GRIA2: variants seen among roughly 807,000 people sequenced by gnomAD.
GRIA2 encodes the protein glutamate ionotropic receptor AMPA type subunit 2.
A neutral mutation model predicts 97.3 loss-of-function variants in GRIA2; 14 were observed. The ratio of observed to expected loss-of-function variants is 0.14; its 90% CI spans 0.10 to 0.23. GRIA2 has a LOEUF of 0.23. GRIA2 is among the 10% of genes least tolerant of loss of function. GRIA2 has a pLI of 1.00. For missense variants in GRIA2, 558 were observed against 1,069.8 expected (o/e 0.52, Z 6.67); for synonymous variants, 412 against 387.8 (o/e 1.06, Z -0.73).
At chr4:157,345,146 G>C (rs1290867890) in intron 12 of GRIA2, among the ~76,000 whole-genome samples, 1 of 152,026 alleles carries the variant, frequency 6.6e-6, no homozygotes, top group Admixed American at 6.6e-5. Flanking sequence ...CAGTGAGTAT[G>C]TAATTGTTGG....
chr4:157,358,635 A>G (rs1156366668), intron 12 of GRIA2, among the ~76,000 whole-genome samples: 1 of 152,132 alleles, frequency 6.6e-6, no homozygotes, highest in Non-Finnish European at 1.5e-5. Flanking sequence ...GCCTGTCTCA[A>G]TACAACAGCC....
At chr4:157,255,623 A>G (rs1301098786) in intron 2 of GRIA2, among the ~76,000 whole-genome samples, 8 of 152,032 alleles carry the variant, frequency 5.3e-5, no homozygotes, top group Admixed American at 3.9e-4. Context: ...ATGATATCTC[A>G]TGGGACTTAA....
chr4:157,339,989 G>A (rs1444798465), intron 11 of GRIA2, among the ~76,000 whole-genome samples: 3 of 151,316 alleles, frequency 2.0e-5, no homozygotes, highest in Non-Finnish European at 4.4e-5. Context: ...TATTCTTTTT[G>A]TTATTTCTTG....
intron 6 of GRIA2, among the ~76,000 whole-genome samples, chr4:157,322,953 A>G (rs1734641621): frequency 6.6e-6 from 1 of 152,174 alleles, no homozygotes; most frequent in Non-Finnish European, 1.5e-5. Flanking sequence ...TCAATTTTGT[A>G]AAAGCATTCC....
chr4:157,248,566 C>CGT (rs72041471), intron 2 of GRIA2, among the ~76,000 whole-genome samples: 1 of 93,016 alleles, frequency 1.1e-5, no homozygotes, highest in Non-Finnish European at 2.4e-5. Context: ...TATATATATA[C>CGT]GTGTGTATAT....
chr4:157,227,981 T>C (rs1729823699), intron 2 of GRIA2, among the ~76,000 whole-genome samples: 1 of 152,240 alleles, frequency 6.6e-6, no homozygotes, highest in Non-Finnish European at 1.5e-5. Flanking sequence ...GTTCATAAGA[T>C]GTCTAACACC....
At chr4:157,227,452 T>C (rs1560999920) in intron 2 of GRIA2, among the ~76,000 whole-genome samples, 1 of 152,272 alleles carries the variant, frequency 6.6e-6, no homozygotes, top group East Asian at 1.9e-4. Flanking sequence ...AGAGTATGTG[T>C]TTTTTCTCTC....
At chr4:157,363,079 G>A in intron 15 of GRIA2, 32 bp downstream of exon 15, 1 of 1,575,554 alleles carries the variant, frequency 6.3e-7, no homozygotes. Context: ...AAACTTTTTA[G>A]TGCACGTTTA....
chr4:157,361,750 A>G lies in GRIA2; in HGVS notation c.2406+626A>G, dbSNP rs1039725998. On this transcript the variant is annotated intron_variant, in intron 14 of 15. Transcript: ENST00000264426. This position sits in a 1 kb window ranked among gnomAD's most constrained non-coding sequence, Gnocchi z 5.2. ...AGTGGGAATGACCCATCTTAAATAG[A>G]ATGTAAATGCAAATATGCATGAGAT... 6.3e-6 allele frequency: 5 copies of G among 788,826 alleles called. No individual in the cohort carries two copies. 48.9% of individuals were successfully genotyped at this position (788,826 alleles called of 1,614,324 possible).
chr4:157,274,759 G>A (rs940602889), intron 2 of GRIA2, among the ~76,000 whole-genome samples: 3 of 151,560 alleles, frequency 2.0e-5, no homozygotes, highest in African/African-American at 7.3e-5. Context: ...TCTTAATCCA[G>A]TCTATCATTG....
rs1051127111 is a variant in GRIA2 at position 157,361,136 on chromosome 4, T to C, written c.2406+12T>C. On this transcript the variant is annotated intron_variant, in intron 14 of 15. Transcript: ENST00000264426. The surrounding 1 kb of genome is among the most constrained non-coding windows in gnomAD (Gnocchi z 5.2). Reference sequence around the variant, plus strand: ...GAGGTGATTCCAAGGTCAGCCCCAGTGAGAAAAGTAATGGGTAACTCAATG... The same window carrying C: ...GAGGTGATTCCAAGGTCAGCCCCAGCGAGAAAAGTAATGGGTAACTCAATG... 12 of 1,572,968 alleles carry C rather than the reference T, an allele frequency of 7.6e-6. No individual in the cohort carries two copies. Among genetic ancestry groups the C allele is most frequent in the Non-Finnish European group, 9.6e-6 (11 of 1,142,770 alleles).
intron 2 of GRIA2, among the ~76,000 whole-genome samples, chr4:157,252,270 G>T (rs1488495648): frequency 2.0e-5 from 3 of 152,092 alleles, no homozygotes; most frequent in African/African-American, 7.2e-5. Context: ...CACTTGTGTG[G>T]TTGTGACTGC....
chr4:157,334,325 G>C, intron 9 of GRIA2: 1 of 494,656 alleles, frequency 2.0e-6, no homozygotes, highest in Non-Finnish European at 3.7e-6. Context: ...TTTAAGGAAC[G>C]CTACAGTTTA....
At chr4:157,357,234 C>T (rs1338743788) in intron 12 of GRIA2, among the ~76,000 whole-genome samples, 2 of 152,104 alleles carry the variant, frequency 1.3e-5, no homozygotes, top group South Asian at 4.1e-4. Context: ...TTGAAAGTAG[C>T]TGTGAAATTC....
chr4:157,331,641 T>A (rs1735052619), intron 6 of GRIA2, among the ~76,000 whole-genome samples: 1 of 152,034 alleles, frequency 6.6e-6, no homozygotes, highest in Admixed American at 6.6e-5. Context: ...ATTAAGTAGA[T>A]GTCCTGTATT....
intron 6 of GRIA2, among the ~76,000 whole-genome samples, chr4:157,331,356 A>G (rs1198838449): frequency 6.6e-6 from 1 of 151,926 alleles, no homozygotes; most frequent in Non-Finnish European, 1.5e-5. Context: ...GCTTTCCCTT[A>G]GTAATGTGAG....
chr4:157,342,044 T>G, intron 12 of GRIA2: 1 of 731,606 alleles, frequency 1.4e-6, no homozygotes, highest in Non-Finnish European at 1.7e-6. Flanking sequence ...ACTTTTGTTC[T>G]TATGCTCTGT....
Position 157,322,242 on chromosome 4 carries a change from A to AGTGT in GRIA2, c.882+680_882+683dup, listed in dbSNP as rs35080512. On this transcript the variant is annotated intron_variant, in intron 6 of 15. Coordinates refer to ENST00000264426, the MANE Select transcript of GRIA2 (RefSeq NM_001083619.3). ...GAGAGAGTGAGAAAGAGAGAGAGAG[A>AGTGT]GTGTGTGTGTGTGTGTGTGTGTGTG... Among the ~76,000 whole-genome samples the AGTGT allele has an allele frequency of 3.6e-3, 490 of 137,224 alleles. 2 individuals are homozygous for AGTGT. The highest frequency in any genetic ancestry group is 0.018 in the East Asian group (84 of 4,658). 90.0% of individuals were successfully genotyped at this position (137,224 alleles called of 152,430 possible). A position where few individuals can be genotyped will look rare whatever the true frequency, so the allele number is the denominator to read the frequency against.
chr4:157,262,525 C>G (rs1266947182), intron 2 of GRIA2, among the ~76,000 whole-genome samples: 1 of 151,980 alleles, frequency 6.6e-6, no homozygotes, highest in African/African-American at 2.4e-5. Flanking sequence ...ACCTCTTAGA[C>G]TTAGAGGGCA....
Sources: allele counts gnomAD v4.1 joint callset (sites outside exome capture counted in the v4.1 genomes callset), GRCh38; gene constraint gnomAD v4.1.1; non-coding constraint Gnocchi (gnomAD v3.1); transcripts MANE v1.5; gene names NCBI Gene and HGNC (gene_info 2026-07-23, HGNC 2026-07-21).